The following ADAMTS18 variants were observed in gnomAD, a reference collection of about 807,000 sequenced individuals.
ADAMTS18 encodes ADAM metallopeptidase with thrombospondin type 1 motif 18, also known as A disintegrin and metalloproteinase with thrombospondin motifs 18.
A neutral mutation model predicts 165.9 loss-of-function variants in ADAMTS18; 157 were observed. The ratio of observed to expected loss-of-function variants is 0.95; its 90% confidence interval spans 0.83 to 1.08. The LOEUF (loss-of-function observed/expected upper bound fraction) is 1.08, where lower values mean the gene tolerates loss of function less well. Ranked by LOEUF, ADAMTS18 falls within the 50% of genes least tolerant of loss-of-function variation. The pLI is 0.00. For missense variants in ADAMTS18, 2,040 were observed against 1,534.0 expected (o/e 1.33, Z -5.51); for synonymous variants, 782 against 578.2 (o/e 1.35, Z -5.06).
chr16:77,350,920 A>G (rs2056546594), intron 10 of ADAMTS18, among the ~76,000 whole-genome samples: 1 of 152,112 alleles, frequency 6.6e-6, no homozygotes, highest in African/African-American at 2.4e-5. Context: ...AATGCTTTCT[A>G]GGAGGCATGG....
At chr16:77,297,806 T>G (rs2055502949) in intron 17 of ADAMTS18, among the ~76,000 whole-genome samples, 1 of 151,998 alleles carries the variant, frequency 6.6e-6, no homozygotes, top group African/African-American at 2.4e-5. Flanking sequence ...CCTAAGATTT[T>G]GCCTTAACAT....
chr16:77,390,407 C>T (rs940539326), intron 3 of ADAMTS18, among the ~76,000 whole-genome samples: 1 of 152,020 alleles, frequency 6.6e-6, no homozygotes, highest in Non-Finnish European at 1.5e-5. Context: ...ATCACCCCGC[C>T]CTTGCCAGGT....
At chr16:77,337,973 G>C (rs893028268) in intron 11 of ADAMTS18, among the ~76,000 whole-genome samples, 1 of 147,792 alleles carries the variant, frequency 6.8e-6, no homozygotes, top group Non-Finnish European at 1.5e-5. Flanking sequence ...GTGCGATCTC[G>C]GCTCACTGCA....
chr16:77,316,880 T>G (rs1042098830), intron 16 of ADAMTS18, among the ~76,000 whole-genome samples: 1 of 152,144 alleles, frequency 6.6e-6, no homozygotes, highest in African/African-American at 2.4e-5. Flanking sequence ...TAGGCCAGTC[T>G]GGTCTCATAC....
intron 12 of ADAMTS18, among the ~76,000 whole-genome samples, chr16:77,327,245 T>C (rs1270718529): frequency 6.6e-6 from 1 of 152,200 alleles, no homozygotes; most frequent in Non-Finnish European, 1.5e-5. Flanking sequence ...AAAAAAGTTC[T>C]TTAGTAGTCA....
intron 3 of ADAMTS18, among the ~76,000 whole-genome samples, chr16:77,410,283 C>T (rs542821032): frequency 2.0e-4 from 25 of 123,926 alleles, no homozygotes; most frequent in Admixed American, 9.7e-4. Context: ...TTGGTTGCAA[C>T]CCAAATTTGA....
At chr16:77,425,289 G>T (rs571743911) in intron 3 of ADAMTS18, among the ~76,000 whole-genome samples, 1 of 152,140 alleles carries the variant, frequency 6.6e-6, no homozygotes, top group Non-Finnish European at 1.5e-5. Flanking sequence ...AGGGGAAACC[G>T]AGTGACAAAA....
At chr16:77,417,360 T>C (rs2057543989) in intron 3 of ADAMTS18, among the ~76,000 whole-genome samples, 1 of 152,110 alleles carries the variant, frequency 6.6e-6, no homozygotes, top group Non-Finnish European at 1.5e-5. Context: ...AATGTCAAGT[T>C]GTTAGTTACT....
chr16:77,300,521 T>C lies in ADAMTS18; in HGVS notation c.2533-117A>G. 13 of 1,153,746 alleles carry C rather than the reference T, an allele frequency of 1.1e-5. No individual in the cohort carries two copies. The South Asian group carries it at 1.5e-4, about 14-fold the overall frequency. The allele number at this position is 1,153,746 out of a possible 1,614,324, so 71.5% of individuals were successfully genotyped here. ...TGACATTTTGACCTTAACATTGGTA[T>C]ACTTCATTGTTCCCAAGTATGTTTT... On this transcript the variant is annotated intron_variant, in intron 16 of 22. Coordinates refer to ENST00000282849, the MANE Select transcript of ADAMTS18 (RefSeq NM_199355.4).
rs34422251 is a variant in ADAMTS18, at chr16:77,297,916, C to CTTTTT, written c.2675-506_2675-502dup. On this transcript the variant is annotated intron_variant, in intron 17 of 22. Transcript: ENST00000282849. Reference sequence around the variant, plus strand: ...CCTATCAGCCAGGGCTCTGCTTTTGCTTTTTTTTTTTTTTTTTTTTTTTTT... The same window carrying CTTTTT: ...CCTATCAGCCAGGGCTCTGCTTTTGCTTTTTTTTTTTTTTTTTTTTTTTTTTTTTT... 2.4e-4 allele frequency among the ~76,000 whole-genome samples: 15 copies of CTTTTT among 61,556 alleles called. 1 individual carries two copies. Among genetic ancestry groups the CTTTTT allele is most frequent in the South Asian group, 9.2e-4 (1 of 1,082 alleles). 40.4% of individuals were successfully genotyped at this position (61,556 alleles called of 152,430 possible).
intron 14 of ADAMTS18, among the ~76,000 whole-genome samples, chr16:77,321,525 AATACACATGCATGCATGTGTACAAAC>A (rs1350889233): frequency 3.9e-5 from 6 of 152,326 alleles, no homozygotes; most frequent in Admixed American, 3.3e-4. Context: ...AATGCTGGAC[AATACACATGCATGCATGTGTACAAAC>A]ATACACCCTT....
At chr16:77,297,986 G>T in intron 17 of ADAMTS18, among the ~76,000 whole-genome samples, 1 of 134,354 alleles carries the variant, frequency 7.4e-6, no homozygotes, top group African/African-American at 2.8e-5. Context: ...GTGCAGTGGC[G>T]TGATCTTGGC....
intron 18 of ADAMTS18, among the ~76,000 whole-genome samples, chr16:77,295,354 C>A (rs1381087973): frequency 6.6e-6 from 1 of 152,184 alleles, no homozygotes; most frequent in Non-Finnish European, 1.5e-5. Flanking sequence ...TATACTCCCG[C>A]CTCTGCATGA....
chr16:77,412,134 T>G (rs949226961), intron 3 of ADAMTS18, among the ~76,000 whole-genome samples: 4 of 152,072 alleles, frequency 2.6e-5, no homozygotes, highest in African/African-American at 9.7e-5. Flanking sequence ...ATTCATCCAC[T>G]GAAGGCCTAA....
chr16:77,355,371 G>C (rs1444527624), intron 9 of ADAMTS18, among the ~76,000 whole-genome samples: 1 of 152,054 alleles, frequency 6.6e-6, no homozygotes, highest in African/African-American at 2.4e-5. Flanking sequence ...GCTATCATTT[G>C]GACATAAAGC....
At chr16:77,400,610 T>C (rs2057318454) in intron 3 of ADAMTS18, among the ~76,000 whole-genome samples, 2 of 151,716 alleles carry the variant, frequency 1.3e-5, no homozygotes, top group Non-Finnish European at 1.5e-5. Flanking sequence ...GCCTCCTAAG[T>C]AGCTGGGACT....
At chr16:77,392,778 A>G (rs1268239533) in intron 3 of ADAMTS18, among the ~76,000 whole-genome samples, 2 of 152,168 alleles carry the variant, frequency 1.3e-5, no homozygotes, top group Non-Finnish European at 2.9e-5. Flanking sequence ...TCTCTGTGCA[A>G]AAATATCAAG....
intron 16 of ADAMTS18, among the ~76,000 whole-genome samples, chr16:77,303,884 G>A (rs982578301): frequency 2.0e-5 from 3 of 152,238 alleles, no homozygotes; most frequent in African/African-American, 7.2e-5. Flanking sequence ...TAAAAAACAA[G>A]CCAGGCCTGG....
Position 77,364,349 on chromosome 16 carries a change from G to C in ADAMTS18, c.811C>G (p.Leu271Val). Residue 271 changes from leucine to valine, a missense_variant, in exon 5 of 23, where the codon CTA (leucine) becomes GTA (valine). Transcript: ENST00000282849. Reference sequence around the variant, plus strand: ...GAGCTCCCATATTCATCAAACCTTAGATAGGTGTCCTCTGTGGGAGGCTTG... The same window carrying C: ...GAGCTCCCATATTCATCAAACCTTACATAGGTGTCCTCTGTGGGAGGCTTG... ...APKPPTEDTY[L>V]RFDEYGSSGR... The C allele has an allele frequency of 6.2e-7, 1 of 1,613,784 alleles. No individual in the cohort carries two copies. Among genetic ancestry groups the C allele is most frequent in the Non-Finnish European group, 8.5e-7 (1 of 1,179,980 alleles).
Sources: allele counts gnomAD v4.1 joint callset (sites outside exome capture counted in the v4.1 genomes callset), GRCh38; gene constraint gnomAD v4.1.1; transcripts MANE v1.5; gene names NCBI Gene and HGNC (gene_info 2026-07-23, HGNC 2026-07-21).